The following ESCO1 variants were observed in gnomAD, a reference collection of about 807,000 sequenced individuals.
ESCO1 encodes establishment of sister chromatid cohesion N-acetyltransferase 1.
A neutral mutation model predicts 83.5 loss-of-function variants in ESCO1; 33 were observed. The observed-to-expected ratio is 0.40, with a 90% CI of 0.30 to 0.53. ESCO1 has a LOEUF of 0.53. Ranked by LOEUF, ESCO1 falls within the 20% of genes least tolerant of loss-of-function variation. The pLI, the probability that ESCO1 is intolerant of heterozygous loss-of-function variation, is 0.63. For missense variants in ESCO1, 855 were observed against 968.0 expected (o/e 0.88, Z 1.55); for synonymous variants, 332 against 324.3 (o/e 1.02, Z -0.25).
chr18:21,575,462 G>A, intron 3 of ESCO1, 32 bp from the exon 4 acceptor site: 1 of 398,104 alleles, frequency 2.5e-6, no homozygotes, highest in African/African-American at 2.1e-5. Context: ...ATAAAGTTTT[G>A]TACAATCCAT....
In ESCO1 at chr18:21,577,474, C is replaced by A. The variant is rs188695567; in HGVS notation, c.-693-1697G>T. On this transcript the variant is annotated intron_variant, in intron 2 of 11. Transcript: ENST00000269214. Reference sequence around the variant, plus strand: ...AGGAGGTCGAGACCATCCTGGCTAACATGGTGAAACCCCGTCTCTACTAAA... The same window carrying A: ...AGGAGGTCGAGACCATCCTGGCTAAAATGGTGAAACCCCGTCTCTACTAAA... Among the ~76,000 whole-genome samples, 1,271 of 148,078 alleles carry A rather than the reference C, an allele frequency of 8.6e-3. 5 individuals are homozygous for A. Among genetic ancestry groups the A allele is most frequent in the Non-Finnish European group, 0.014 (945 of 67,472 alleles).
chr18:21,592,911 C>T (rs2038701314), intron 1 of ESCO1: 3 of 169,508 alleles, frequency 1.8e-5, no homozygotes, highest in African/African-American at 2.4e-5. Context: ...ACCTCCCAGA[C>T]GGGGTCGCGG....
intron 8 of ESCO1, chr18:21,540,460 A>T: frequency 1.2e-6 from 1 of 824,464 alleles, no homozygotes; most frequent in Non-Finnish European, 1.5e-6. Context: ...AAAGACCTCC[A>T]GGAGGTTTTA....
intron 7 of ESCO1, among the ~76,000 whole-genome samples, chr18:21,563,179 T>C (rs1163419657): frequency 1.3e-5 from 2 of 151,988 alleles, no homozygotes; most frequent in East Asian, 3.9e-4. Context: ...ACAAGTTCCA[T>C]GTTATTTTAA....
chr18:21,590,973 C>T (rs192573233), intron 1 of ESCO1, among the ~76,000 whole-genome samples: 1 of 151,992 alleles, frequency 6.6e-6, no homozygotes, highest in East Asian at 1.9e-4. Flanking sequence ...AAAATCCACT[C>T]TCTTGAAATT....
rs982360814 is a variant in ESCO1, at chr18:21,579,355, G to A, written c.-693-3578C>T. On this transcript the variant is annotated intron_variant, in intron 2 of 11. Coordinates refer to ENST00000269214, the MANE Select transcript of ESCO1 (RefSeq NM_052911.3). ...CGCCTGTAGACAGGCCCAGCTACTC[G>A]GGAGGCTGAGGCAGGAGGATGACAT... Among the ~76,000 whole-genome samples, 4 of 151,778 alleles carry A rather than the reference G, an allele frequency of 2.6e-5. No individual in the cohort carries two copies. In the East Asian group the frequency reaches 5.8e-4, roughly 22 times the overall value.
chr18:21,575,562 A>C (rs368117128), intron 3 of ESCO1, 110 bp downstream of exon 3: 1 of 398,244 alleles, frequency 2.5e-6, no homozygotes, highest in South Asian at 1.3e-4. Context: ...CAGTACACTT[A>C]AGGCTAACAG....
chr18:21,566,258 C>T, intron 5 of ESCO1, 52 bp from the exon 6 acceptor site: 4 of 1,497,840 alleles, frequency 2.7e-6, no homozygotes, highest in Non-Finnish European at 3.7e-6. Flanking sequence ...TACTAGTTTT[C>T]CATCTAATGG....
At chr18:21,599,770 C>T (rs1415950156) in intron 1 of ESCO1, among the ~76,000 whole-genome samples, 1 of 152,180 alleles carries the variant, frequency 6.6e-6, no homozygotes, top group Non-Finnish European at 1.5e-5. Flanking sequence ...AAAGCACACG[C>T]CGGATTTTCG....
intron 5 of ESCO1, among the ~76,000 whole-genome samples, chr18:21,566,899 AT>A (rs1457171743): frequency 6.6e-6 from 1 of 152,130 alleles, no homozygotes; most frequent in Non-Finnish European, 1.5e-5. Context: ...TTTAGTCAGA[AT>A]AATAAAGGCA....
chr18:21,532,762 A>G lies in ESCO1; in HGVS notation c.2188-102T>C, dbSNP rs530674564. 2.4e-3 allele frequency: 2,606 copies of G among 1,065,144 alleles called. 7 individuals carry two copies. Among genetic ancestry groups the G allele is most frequent in the Middle Eastern group, 7.8e-3 (36 of 4,594 alleles). The allele number at this position is 1,065,144 out of a possible 1,614,324, so 66.0% of individuals were successfully genotyped here. On this transcript the variant is annotated intron_variant, in intron 10 of 11. Transcript: ENST00000269214. ...TTATGACATTTGACTGGCTTAACAA[A>G]CTATGGGGCCACTTATGCTTTCACT...
chr18:21,549,255 G>A lies in ESCO1; in HGVS notation c.1954-9246C>T, dbSNP rs371613113. Among the ~76,000 whole-genome samples, 24 of 152,220 alleles carry A rather than the reference G, an allele frequency of 1.6e-4. No individual in the cohort carries two copies. The East Asian group carries it at 3.1e-3, about 20-fold the overall frequency. On this transcript the variant is annotated intron_variant, in intron 8 of 11. Coordinates refer to ENST00000269214, the MANE Select transcript of ESCO1 (RefSeq NM_052911.3). ...TGCTTTGAACCTGAATATGGTATCT[G>A]GACTACAGAAATCTACTTTAGGACC...
At chr18:21,539,030 A>T (rs2146172331) in intron 9 of ESCO1, among the ~76,000 whole-genome samples, 1 of 152,130 alleles carries the variant, frequency 6.6e-6, no homozygotes, top group Non-Finnish European at 1.5e-5. Flanking sequence ...GAACACTTGA[A>T]GTATGGAACT....
chr18:21,535,132 TC>T (rs2037817898), intron 10 of ESCO1, among the ~76,000 whole-genome samples: 1 of 152,118 alleles, frequency 6.6e-6, no homozygotes, highest in Admixed American at 6.6e-5. Flanking sequence ...CTTGACTTAC[TC>T]CAGTGCTAGA....
chr18:21,574,332 C>T lies in ESCO1; in HGVS notation c.512G>A (p.Ser171Asn), dbSNP rs2038387989. 2.5e-6 allele frequency: 4 copies of T among 1,613,494 alleles called. No individual in the cohort carries two copies. The highest frequency in any genetic ancestry group is 1.7e-5 in the Admixed American group (1 of 59,878). The change falls in exon 4 of 12, where the codon AGT (serine) becomes AAT (asparagine). Residue 171 changes from serine (S) to asparagine (N), a missense_variant. Ser to Asn is a conservative substitution (Grantham distance 46, BLOSUM62 1). This residue lies in a region of ESCO1 where 726 missense variants were observed against 699.5 expected (regional missense o/e 1.04). Coordinates refer to ENST00000269214, the MANE Select transcript of ESCO1 (RefSeq NM_052911.3). ...SSTQSKSNKT[S>N]QKHVKRKVLE... Reference sequence around the variant, plus strand: ...TACTTTTCTCTTCACATGTTTTTGACTTGTTTTATTAGATTTACTCTGAGT... The same window carrying T: ...TACTTTTCTCTTCACATGTTTTTGATTTGTTTTATTAGATTTACTCTGAGT...
At chr18:21,531,451 A>G (rs1033152164) in intron 11 of ESCO1, among the ~76,000 whole-genome samples, 4 of 152,052 alleles carry the variant, frequency 2.6e-5, no homozygotes, top group Admixed American at 6.6e-5. Flanking sequence ...AAGAAAAAAA[A>G]TACTTGGGAA....
In ESCO1 at chr18:21,555,835, G is replaced by A. The variant is rs116100575; in HGVS notation, c.1953+5024C>T. 3.9e-3 allele frequency among the ~76,000 whole-genome samples: 589 copies of A among 152,202 alleles called. 4 individuals carry two copies. The highest frequency in any genetic ancestry group is 0.014 in the African/African-American group (562 of 41,532). On this transcript the variant is annotated intron_variant, in intron 8 of 11. Coordinates refer to ENST00000269214, the MANE Select transcript of ESCO1 (RefSeq NM_052911.3). Reference sequence around the variant, plus strand: ...AAAGAAAAATTAGCCAGGCCTGGTGGCCTGTGCCTATAGTTCTAGCTACAC... The same window carrying A: ...AAAGAAAAATTAGCCAGGCCTGGTGACCTGTGCCTATAGTTCTAGCTACAC...
Position 21,566,210 on chromosome 18 carries a change from T to TA in ESCO1, c.1646-5dup, listed in dbSNP as rs2038257872. 1.2e-6 allele frequency: 2 copies of TA among 1,612,034 alleles called. No homozygotes were observed. Among genetic ancestry groups the TA allele is most frequent in the African/African-American group, 2.7e-5 (2 of 74,810 alleles). On this transcript the variant is annotated splice_region_variant and splice_polypyrimidine_tract_variant and intron_variant, in intron 5 of 11. Coordinates refer to ENST00000269214, the MANE Select transcript of ESCO1 (RefSeq NM_052911.3). ...CTATGCTGTTGGGGAGCTGAACCTG[T>TA]AATTTAATCAAGAAGGTGGGTTATA...
At chr18:21,543,904 A>G (rs1432818238) in intron 8 of ESCO1, among the ~76,000 whole-genome samples, 4 of 152,238 alleles carry the variant, frequency 2.6e-5, no homozygotes, top group African/African-American at 4.8e-5. Context: ...ACTCTGATAG[A>G]AAACTTGATT....
Sources: gnomAD v4.1 joint callset for allele counts (sites outside exome capture counted in the v4.1 genomes callset) on GRCh38, gnomAD v4.1.1 for gene constraint, gnomAD v4.1.1 regional missense constraint, MANE v1.5 for transcripts, NCBI Gene and HGNC (gene_info 2026-07-23, HGNC 2026-07-21) for gene names.